The following GNG7 variants were observed in gnomAD, a reference collection of about 807,000 sequenced individuals.
GNG7 encodes guanine nucleotide-binding protein G(I)/G(S)/G(O) subunit gamma-7.
Under a neutral mutation model 4.0 loss-of-function variants are expected in GNG7, and 1 was observed. The ratio of observed to expected loss-of-function variants is 0.25; its 90% CI spans 0.09 to 1.18. The LOEUF is 1.18. Among genes scored for constraint, GNG7 ranks in the 50% most tolerant of loss-of-function variants. The pLI is 0.50. For synonymous variants in GNG7, 34 were observed against 36.9 expected, an observed-to-expected ratio of 0.92 and a Z score of 0.29; for missense variants, 86 against 91.9, an observed-to-expected ratio of 0.94 and a Z score of 0.26.
chr19:2,539,919 CTCTT>C (rs1457670085), intron 3 of GNG7, among the ~76,000 whole-genome samples: 4 of 144,566 alleles, frequency 2.8e-5, no homozygotes, highest in Non-Finnish European at 4.6e-5. Context: ...CTCCCTCTTT[CTCTT>C]TCTTTCTTCT....
intron 1 of GNG7, among the ~76,000 whole-genome samples, chr19:2,685,733 C>G (rs1983854178): frequency 6.6e-6 from 1 of 152,136 alleles, no homozygotes; most frequent in Admixed American, 6.6e-5. Context: ...CACTGTGTGT[C>G]AAACGTCGGA....
intron 1 of GNG7, among the ~76,000 whole-genome samples, chr19:2,700,535 T>A (rs1454259687): frequency 2.0e-5 from 3 of 151,868 alleles, no homozygotes; most frequent in Non-Finnish European, 4.4e-5. Flanking sequence ...CTTCCTTTCC[T>A]CTCCTCTGTG....
intron 3 of GNG7, among the ~76,000 whole-genome samples, chr19:2,548,399 T>C (rs1346155625): frequency 7.0e-6 from 1 of 143,564 alleles, no homozygotes; most frequent in Non-Finnish European, 1.5e-5. Flanking sequence ...GAGAATGCCG[T>C]GAACTCGGGA....
intron 3 of GNG7, among the ~76,000 whole-genome samples, chr19:2,536,425 AAAAAG>A (rs532486919): frequency 3.9e-4 from 60 of 152,154 alleles, no homozygotes; most frequent in East Asian, 5.8e-4. Flanking sequence ...TCTCAAAAAA[AAAAAG>A]AAAAGAAAAG....
intron 3 of GNG7, among the ~76,000 whole-genome samples, chr19:2,536,948 TTTTA>T (rs1978758071): frequency 6.8e-6 from 1 of 145,990 alleles, no homozygotes; most frequent in African/African-American, 2.5e-5. Flanking sequence ...TTATTTTTAT[TTTTA>T]TTTTTTTTTT....
chr19:2,687,363 T>C (rs913271992), intron 1 of GNG7, among the ~76,000 whole-genome samples: 4 of 150,560 alleles, frequency 2.7e-5, no homozygotes, highest in African/African-American at 9.7e-5. Context: ...ACACCTGTAA[T>C]GCCAGCACTT....
intron 1 of GNG7, among the ~76,000 whole-genome samples, chr19:2,688,274 T>C (rs1913049029): frequency 1.3e-5 from 2 of 152,130 alleles, no homozygotes; most frequent in South Asian, 2.1e-4. Flanking sequence ...AAAGAAATCA[T>C]GATGCAAAGA....
chr19:2,595,804 C>T (rs1981001611), intron 2 of GNG7, among the ~76,000 whole-genome samples: 1 of 151,896 alleles, frequency 6.6e-6, no homozygotes, highest in South Asian at 2.1e-4. Flanking sequence ...GTACAATGCA[C>T]TCCATATGGC....
intron 1 of GNG7, among the ~76,000 whole-genome samples, chr19:2,676,678 A>G (rs1983601260): frequency 6.6e-6 from 1 of 152,168 alleles, no homozygotes; most frequent in Non-Finnish European, 1.5e-5. Context: ...GGCCTCCCAT[A>G]GTCCTGGGAT....
chr19:2,695,154 G>C (rs1913215523), intron 1 of GNG7, among the ~76,000 whole-genome samples: 1 of 152,018 alleles, frequency 6.6e-6, no homozygotes, highest in African/African-American at 2.4e-5. Context: ...TGAGTGGCAT[G>C]GGGAGACCTA....
chr19:2,600,389 T>C (rs982526936), intron 2 of GNG7, among the ~76,000 whole-genome samples: 5 of 151,858 alleles, frequency 3.3e-5, no homozygotes, highest in African/African-American at 1.2e-4. Context: ...CACTGTGATA[T>C]CAAACGTCAT....
chr19:2,661,157 G>A (rs1455801532), intron 1 of GNG7, among the ~76,000 whole-genome samples: 4 of 148,062 alleles, frequency 2.7e-5, no homozygotes, highest in Admixed American at 2.1e-4. Context: ...GTTGCAGTGA[G>A]CCAAGATCGT....
chr19:2,539,459 C>T (rs936161900), intron 3 of GNG7, among the ~76,000 whole-genome samples: 2 of 151,968 alleles, frequency 1.3e-5, no homozygotes, highest in African/African-American at 2.4e-5. Flanking sequence ...TGTCCGCCAC[C>T]ACGCCTGGCT....
chr19:2,599,480 C>A (rs1568258090), intron 2 of GNG7, among the ~76,000 whole-genome samples: 1 of 151,930 alleles, frequency 6.6e-6, no homozygotes, highest in Non-Finnish European at 1.5e-5. Flanking sequence ...GGAGGGGGGC[C>A]CTCGGGCAGC....
intron 3 of GNG7, among the ~76,000 whole-genome samples, chr19:2,525,288 C>G: frequency 6.6e-6 from 1 of 152,202 alleles, no homozygotes. Context: ...TCCCTCCTGA[C>G]GGTCGGGCTC....
At chr19:2,589,761 C>T (rs1464687003) in intron 2 of GNG7, among the ~76,000 whole-genome samples, 1 of 152,168 alleles carries the variant, frequency 6.6e-6, no homozygotes, top group African/African-American at 2.4e-5. Flanking sequence ...TCCGAAAAAT[C>T]ACACTCAGTG....
intron 2 of GNG7, among the ~76,000 whole-genome samples, chr19:2,638,695 C>A (rs116408834): frequency 0.041 from 6,091 of 147,352 alleles, 408 homozygotes; most frequent in African/African-American, 0.15. Flanking sequence ...GAGCACCCCC[C>A]AGTCGTGACA....
intron 2 of GNG7, among the ~76,000 whole-genome samples, chr19:2,620,189 A>T (rs1981828271): frequency 7.2e-6 from 1 of 138,936 alleles, no homozygotes; most frequent in African/African-American, 2.7e-5. Context: ...GGGCAACAAG[A>T]GCAAAACTCT....
rs555015697 is a variant in GNG7, at chr19:2,527,749, G to A, written c.-37-7024C>T. ...TGCAGGGTGCTGGGCAGCATCCCTGGTCTCCACCCACTCCTTGCCAGGAAA... is the reference window on the plus strand; with the variant it reads ...TGCAGGGTGCTGGGCAGCATCCCTGATCTCCACCCACTCCTTGCCAGGAAA... On this transcript the variant is annotated intron_variant, in intron 3 of 4. Transcript: ENST00000382159. Among the ~76,000 whole-genome samples, 14 of 150,900 alleles carry A rather than the reference G, an allele frequency of 9.3e-5. No homozygotes were observed. In the South Asian group the frequency reaches 2.7e-3, roughly 29 times the overall value.
Sources: gnomAD v4.1 joint callset for allele counts (sites outside exome capture counted in the v4.1 genomes callset) on GRCh38, gnomAD v4.1.1 for gene constraint, MANE v1.5 for transcripts, NCBI Gene and HGNC (gene_info 2026-07-23, HGNC 2026-07-21) for gene names.